Variants in GLI3 observed in about 807,000 individuals in gnomAD.
GLI3 encodes the protein GLI family zinc finger 3.
GLI3 carries 20 observed loss-of-function variants against 100.8 expected under a neutral mutation model. The ratio of observed to expected loss-of-function variants is 0.20; its 90% CI spans 0.14 to 0.29. The LOEUF (loss-of-function observed/expected upper bound fraction) is 0.29, where lower values mean the gene tolerates loss of function less well. Among genes scored for constraint, GLI3 ranks in the 10% least tolerant of loss-of-function variants. The pLI, the probability that GLI3 is intolerant of heterozygous loss-of-function variation, is 1.00. For synonymous variants in GLI3, 938 were observed against 860.5 expected, an observed-to-expected ratio of 1.09 and a Z score of -1.58; for missense variants, 2,040 against 2,128.5, an observed-to-expected ratio of 0.96 and a Z score of 0.82.
intron 10 of GLI3, among the ~76,000 whole-genome samples, chr7:42,011,114 AATGTGGCCACTGTAG>A (rs1182906848): frequency 2.6e-5 from 4 of 152,312 alleles, no homozygotes; most frequent in Non-Finnish European, 5.9e-5. Context: ...GTTTAGGGGA[AATGTGGCCACTGTAG>A]ATGTGGCCAC....
intron 3 of GLI3, among the ~76,000 whole-genome samples, chr7:42,102,386 T>C (rs1362351802): frequency 1.3e-5 from 2 of 152,200 alleles, no homozygotes; most frequent in South Asian, 2.1e-4. Context: ...TCAGAGCTCA[T>C]TCCCCCAGGG....
At chr7:42,217,052 C>G (rs1374802125) in intron 2 of GLI3, among the ~76,000 whole-genome samples, 1 of 152,122 alleles carries the variant, frequency 6.6e-6, no homozygotes, top group African/African-American at 2.4e-5. Flanking sequence ...TTGGCAGGAG[C>G]AAGTCCCATG....
At chr7:42,046,139 A>T (rs975515711) in intron 5 of GLI3, among the ~76,000 whole-genome samples, 4 of 152,210 alleles carry the variant, frequency 2.6e-5, no homozygotes, top group East Asian at 3.9e-4. Flanking sequence ...ATCAATCTGG[A>T]GCAATTTACT....
intron 3 of GLI3, among the ~76,000 whole-genome samples, chr7:42,127,041 C>T (rs1786151613): frequency 6.6e-6 from 1 of 152,188 alleles, no homozygotes; most frequent in Non-Finnish European, 1.5e-5. Flanking sequence ...GGGGCTATTC[C>T]AGCTCTTTCA....
chr7:42,144,451 G>C (rs1406909364), intron 3 of GLI3, among the ~76,000 whole-genome samples: 1 of 152,102 alleles, frequency 6.6e-6, no homozygotes, highest in Non-Finnish European at 1.5e-5. Context: ...CCCTTCATGA[G>C]AGAATACCCC....
At chr7:42,023,163 C>T (rs948127516) in intron 10 of GLI3, among the ~76,000 whole-genome samples, 1 of 152,192 alleles carries the variant, frequency 6.6e-6, no homozygotes, top group African/African-American at 2.4e-5. Flanking sequence ...TAATTCATGT[C>T]CAGCTTACTA....
chr7:42,071,626 A>AC (rs2128750392), intron 4 of GLI3, among the ~76,000 whole-genome samples: 1 of 152,336 alleles, frequency 6.6e-6, no homozygotes, highest in African/African-American at 2.4e-5. Context: ...GGAACTCAGT[A>AC]GTAGCCCTGG....
chr7:42,175,965 GT>G (rs1787471904), intron 2 of GLI3, among the ~76,000 whole-genome samples: 1 of 152,104 alleles, frequency 6.6e-6, no homozygotes, highest in Admixed American at 6.6e-5. Context: ...GCCTGGGTCT[GT>G]TGGATCCCAC....
intron 1 of GLI3, among the ~76,000 whole-genome samples, chr7:42,243,251 T>A (rs1338696234): frequency 6.6e-6 from 1 of 152,172 alleles, no homozygotes; most frequent in African/African-American, 2.4e-5. Context: ...GGGCCAGTGA[T>A]GGTTTCTATA....
At chr7:42,242,111 T>C (rs1249120765), upstream of GLI3, among the ~76,000 whole-genome samples, 1 of 152,190 alleles carries the variant, frequency 6.6e-6, no homozygotes, top group Non-Finnish European at 1.5e-5. Context: ...TCCACTACCT[T>C]CATGACCATC....
At chr7:42,003,105 G>A (rs573928299) in intron 10 of GLI3, among the ~76,000 whole-genome samples, 2 of 152,224 alleles carry the variant, frequency 1.3e-5, no homozygotes, top group South Asian at 4.2e-4. Flanking sequence ...GATAGCAGTA[G>A]ATCCAAAAAC....
chr7:42,061,132 T>G (rs1411051388), intron 4 of GLI3, among the ~76,000 whole-genome samples: 2 of 152,160 alleles, frequency 1.3e-5, no homozygotes, highest in African/African-American at 4.8e-5. Context: ...TATAATTAAT[T>G]GAAAACAGGA....
intron 10 of GLI3, among the ~76,000 whole-genome samples, chr7:41,980,455 G>C (rs935728260): frequency 1.8e-4 from 28 of 152,172 alleles, no homozygotes; most frequent in African/African-American, 6.8e-4. Flanking sequence ...ATCTTACAGA[G>C]GGGTTCTATG....
At chr7:42,064,196 G>A (rs1784629401) in intron 4 of GLI3, among the ~76,000 whole-genome samples, 1 of 152,106 alleles carries the variant, frequency 6.6e-6, no homozygotes, top group African/African-American at 2.4e-5. Context: ...TTATGGCTTA[G>A]GGAGAAAAAT....
rs1177155939 is a variant in GLI3 at position 41,965,610 on chromosome 7, T to C, written c.3463A>G (p.Lys1155Glu). The change falls in exon 15 of 15, where the codon AAA (lysine) becomes GAA (glutamate). Residue 1155 changes from lysine (K) to glutamate (E), a missense_variant. Physicochemically the swap from Lys to Glu is moderately conservative, Grantham distance 56. Coordinates refer to ENST00000395925, the MANE Select transcript of GLI3 (RefSeq NM_000168.6). ...ALEQPCPEGS[K>E]TDLPIQWNEV... ...TTCCACTGAATGGGCAGGTCGGTTTTGCTGCCCTCGGGGCAGGGCTGCTCG... is the reference window on the plus strand; with the variant it reads ...TTCCACTGAATGGGCAGGTCGGTTTCGCTGCCCTCGGGGCAGGGCTGCTCG... The C allele has an allele frequency of 6.2e-7, 1 of 1,607,956 alleles. No individual in the cohort carries two copies. Among genetic ancestry groups the C allele is most frequent in the Non-Finnish European group, 8.5e-7 (1 of 1,175,110 alleles).
upstream of GLI3, among the ~76,000 whole-genome samples, chr7:42,241,274 A>T (rs1173460917): frequency 2.6e-5 from 4 of 152,288 alleles, no homozygotes; most frequent in Admixed American, 2.6e-4. Flanking sequence ...TTTCATAATC[A>T]ATCTGAGAGT....
At chr7:42,054,973 C>G (rs1015934819) in intron 4 of GLI3, among the ~76,000 whole-genome samples, 9 of 150,898 alleles carry the variant, frequency 6.0e-5, no homozygotes, top group Non-Finnish European at 1.2e-4. Context: ...CCAGCCTGGG[C>G]AAGAGAGTGA....
intron 2 of GLI3, among the ~76,000 whole-genome samples, chr7:42,202,381 C>T (rs1179123906): frequency 1.4e-5 from 2 of 141,644 alleles, no homozygotes; most frequent in Non-Finnish European, 3.1e-5. Flanking sequence ...CACACACACA[C>T]ACTCACACAC....
At chr7:42,023,704 G>A in intron 9 of GLI3, 96 bp from the exon 10 acceptor site, 3 of 1,142,150 alleles carry the variant, frequency 2.6e-6, no homozygotes, top group South Asian at 2.5e-5. Context: ...ACCCAATTTA[G>A]ATTTGGGTCT....
Sources: gnomAD v4.1 joint callset for allele counts (sites outside exome capture counted in the v4.1 genomes callset) on GRCh38, gnomAD v4.1.1 for gene constraint, MANE v1.5 for transcripts, NCBI Gene and HGNC (gene_info 2026-07-23, HGNC 2026-07-21) for gene names.